The following KCNIP4 variants were observed in gnomAD, a reference collection of about 807,000 sequenced individuals.
KCNIP4 encodes the protein potassium voltage-gated channel interacting protein 4, also known as Kv channel-interacting protein 4.
A neutral mutation model predicts 34.0 loss-of-function variants in KCNIP4; 12 were observed. The observed-to-expected ratio is 0.35, with a 90% CI of 0.23 to 0.57. The LOEUF (loss-of-function observed/expected upper bound fraction) is 0.57. Ranked by LOEUF, KCNIP4 falls within the 20% of genes least tolerant of loss-of-function variation. The pLI, the probability that KCNIP4 is intolerant of heterozygous loss-of-function variation, is 0.83. For synonymous variants in KCNIP4, 124 were observed against 102.2 expected, an observed-to-expected ratio of 1.21 and a Z score of -1.29; for missense variants, 238 against 311.7, an observed-to-expected ratio of 0.76 and a Z score of 1.78.
At chr4:21,821,343 T>C (rs9985790) in intron 1 of KCNIP4, among the ~76,000 whole-genome samples, 72,329 of 151,820 alleles carry the variant, frequency 0.48, 18,119 homozygotes, top group East Asian at 0.65. Context: ...GCCCAAAAGA[T>C]TCCCATGAAA....
intron 1 of KCNIP4, among the ~76,000 whole-genome samples, chr4:21,898,864 T>G (rs1727553248): frequency 6.6e-6 from 1 of 152,116 alleles, no homozygotes; most frequent in Admixed American, 6.5e-5. Flanking sequence ...AGCACAGACC[T>G]AGGCTCTTAG....
chr4:21,139,538 G>A (rs1429605753), intron 1 of KCNIP4, among the ~76,000 whole-genome samples: 1 of 152,144 alleles, frequency 6.6e-6, no homozygotes, highest in Non-Finnish European at 1.5e-5. Context: ...CTCAGGGATG[G>A]CTTCAGCTGT....
intron 1 of KCNIP4, among the ~76,000 whole-genome samples, chr4:21,733,936 CAGTATCATTCAGGA>C (rs1420067615): frequency 6.6e-6 from 1 of 152,168 alleles, no homozygotes; most frequent in African/African-American, 2.4e-5. Flanking sequence ...CAGCTTGAGA[CAGTATCATTCAGGA>C]AAAGACCTTG....
chr4:21,682,200 T>TA (rs1750417695), intron 1 of KCNIP4, among the ~76,000 whole-genome samples: 1 of 152,092 alleles, frequency 6.6e-6, no homozygotes, highest in Admixed American at 6.6e-5. Flanking sequence ...GCCAATGCCA[T>TA]ACACTTTCAA....
At chr4:20,941,748 C>A (rs6833232) in intron 1 of KCNIP4, among the ~76,000 whole-genome samples, 98,827 of 152,048 alleles carry the variant, frequency 0.65, 32,852 homozygotes, top group East Asian at 0.82. Context: ...ACAAAACAGA[C>A]ATGAATATAT....
chr4:21,006,433 A>T (rs552263914), intron 1 of KCNIP4, among the ~76,000 whole-genome samples: 1 of 152,314 alleles, frequency 6.6e-6, no homozygotes, highest in East Asian at 1.9e-4. Flanking sequence ...GGACTTGCAT[A>T]AGCCGTAAGA....
chr4:21,371,328 A>G (rs923327585), intron 1 of KCNIP4, among the ~76,000 whole-genome samples: 2 of 146,732 alleles, frequency 1.4e-5, no homozygotes, highest in African/African-American at 2.7e-5. Context: ...GAAGGTCAAC[A>G]GTAATAATGA....
intron 1 of KCNIP4, among the ~76,000 whole-genome samples, chr4:21,240,949 T>C (rs1371355427): frequency 1.3e-5 from 2 of 152,216 alleles, no homozygotes; most frequent in Non-Finnish European, 2.9e-5. Flanking sequence ...GTTCATTTCA[T>C]TGTAATTTAT....
In KCNIP4 at chr4:20,788,548, A is replaced by G. The variant is rs540770345; in HGVS notation, c.289-29658T>C. Among the ~76,000 whole-genome samples, 43 of 152,288 alleles carry G rather than the reference A, an allele frequency of 2.8e-4. 1 individual carries two copies. In the South Asian group the frequency reaches 8.5e-3, roughly 30 times the overall value. ...AAAATCCAATCTCAGCACAGTAAAC[A>G]TGTAGGAATTCAGCATCTCATAGAG... On this transcript the variant is annotated intron_variant, in intron 3 of 8. Transcript: ENST00000382152.
intron 1 of KCNIP4, among the ~76,000 whole-genome samples, chr4:21,605,915 G>A (rs1168818425): frequency 1.3e-5 from 2 of 152,192 alleles, no homozygotes; most frequent in African/African-American, 4.8e-5. Context: ...CAAGTTGAGG[G>A]AGTCTTCTTC....
At chr4:21,070,504 T>C (rs1166681363) in intron 1 of KCNIP4, among the ~76,000 whole-genome samples, 5 of 151,962 alleles carry the variant, frequency 3.3e-5, no homozygotes, top group African/African-American at 1.2e-4. Context: ...TAGTGATATC[T>C]CATTGTCATC....
intron 1 of KCNIP4, among the ~76,000 whole-genome samples, chr4:21,578,409 G>T (rs1740928960): frequency 6.7e-6 from 1 of 149,118 alleles, no homozygotes; most frequent in African/African-American, 2.5e-5. Flanking sequence ...CCTAAGGTCT[G>T]TCTGCTTCTA....
chr4:21,820,283 GTGTATATATA>G (rs779427737), intron 1 of KCNIP4, among the ~76,000 whole-genome samples: 17,579 of 127,400 alleles, frequency 0.14, 1,799 homozygotes, highest in East Asian at 0.35. Flanking sequence ...ATGTGTGTGT[GTGTATATATA>G]TATATATATA....
At chr4:21,155,662 G>A (rs1381084700) in intron 1 of KCNIP4, among the ~76,000 whole-genome samples, 1 of 152,056 alleles carries the variant, frequency 6.6e-6, no homozygotes, top group Non-Finnish European at 1.5e-5. Context: ...ACTGGAACAC[G>A]GAAGCTCTAT....
intron 1 of KCNIP4, among the ~76,000 whole-genome samples, chr4:21,713,936 T>C (rs1441398052): frequency 6.6e-6 from 1 of 152,120 alleles, no homozygotes; most frequent in East Asian, 1.9e-4. Flanking sequence ...TCAACGAAAA[T>C]GATATGAATA....
In KCNIP4 at chr4:21,052,694, A is replaced by T. The variant is rs115079121; in HGVS notation, c.62-169985T>A. Among the ~76,000 whole-genome samples, 1,039 of 152,152 alleles carry T rather than the reference A, an allele frequency of 6.8e-3. 16 individuals are homozygous for T. The highest frequency in any genetic ancestry group is 0.024 in the African/African-American group (983 of 41,510). ...ATTTTGGCATGGAGTGAAAGGTCTAACCTCTCAATGCTGTTTCCCCTTCTG... is the reference window on the plus strand; with the variant it reads ...ATTTTGGCATGGAGTGAAAGGTCTATCCTCTCAATGCTGTTTCCCCTTCTG... On this transcript the variant is annotated intron_variant, in intron 1 of 8. Coordinates refer to ENST00000382152, the MANE Select transcript of KCNIP4 (RefSeq NM_025221.6).
At chr4:21,048,067 G>A (rs1742591147) in intron 1 of KCNIP4, among the ~76,000 whole-genome samples, 1 of 152,054 alleles carries the variant, frequency 6.6e-6, no homozygotes, top group South Asian at 2.1e-4. Context: ...CTACAACTGT[G>A]CACCTATCTC....
intron 1 of KCNIP4, among the ~76,000 whole-genome samples, chr4:21,434,786 AG>A (rs1726806798): frequency 7.1e-6 from 1 of 140,880 alleles, no homozygotes; most frequent in Non-Finnish European, 1.5e-5. Flanking sequence ...AAAAAAAAAA[AG>A]GCTTTCCATG....
intron 1 of KCNIP4, among the ~76,000 whole-genome samples, chr4:21,046,493 T>G (rs2149786003): frequency 6.6e-6 from 1 of 152,264 alleles, no homozygotes; most frequent in South Asian, 2.1e-4. Flanking sequence ...GTAGAAGAAC[T>G]TAGGATTTAG....
Sources: gnomAD v4.1 joint callset for allele counts (sites outside exome capture counted in the v4.1 genomes callset) on GRCh38, gnomAD v4.1.1 for gene constraint, MANE v1.5 for transcripts, NCBI Gene and HGNC (gene_info 2026-07-23, HGNC 2026-07-21) for gene names.